The following STYXL1 variants were observed in gnomAD, a reference collection of about 807,000 sequenced individuals.
The protein encoded by STYXL1 is serine/threonine/tyrosine-interacting-like protein 1.
In STYXL1, 32 loss-of-function variants were observed where a neutral mutation model predicts 36.4. The ratio of observed to expected loss-of-function variants is 0.88; its 90% CI spans 0.66 to 1.18. STYXL1 has a LOEUF of 1.18. STYXL1 is among the 50% of genes most tolerant of loss of function. STYXL1 has a pLI of 0.00. For synonymous variants in STYXL1, 133 were observed against 144.1 expected, an observed-to-expected ratio of 0.92 and a Z score of 0.55; for missense variants, 354 against 394.1, an observed-to-expected ratio of 0.90 and a Z score of 0.86.
In STYXL1 at chr7:76,039,296, G is replaced by A. The variant is rs140052968; in HGVS notation, c.-5+8366C>T. ...CCACTATGTTTTCCAGGCTGGTTTC[G>A]AACTCCTGGGCTCAAGTGATCTTCC... On this transcript the variant is annotated intron_variant, in intron 1 of 8. Coordinates refer to ENST00000359697, the MANE Select transcript of STYXL1 (RefSeq NM_001317785.2). Among the ~76,000 whole-genome samples, 11 of 140,406 alleles carry A rather than the reference G, an allele frequency of 7.8e-5. 1 individual carries two copies. Among genetic ancestry groups the A allele is most frequent in the African/African-American group, 1.6e-4 (5 of 30,944 alleles). 92.1% of individuals were successfully genotyped at this position (140,406 alleles called of 152,430 possible). A position where few individuals can be genotyped will look rare whatever the true frequency, so the allele number is the denominator to read the frequency against.
chr7:76,016,522 A>G (rs1793400589), intron 4 of STYXL1, among the ~76,000 whole-genome samples: 1 of 152,022 alleles, frequency 6.6e-6, no homozygotes, highest in Non-Finnish European at 1.5e-5. Context: ...TATATCTCCT[A>G]TTAGTTCTGT....
At chr7:76,003,972 G>A in intron 6 of STYXL1, 117 bp from the exon 7 acceptor site, 1 of 853,736 alleles carries the variant, frequency 1.2e-6, no homozygotes, top group Non-Finnish European at 1.9e-6. Flanking sequence ...GTGTAAGGGG[G>A]AATGTGCACA....
At chr7:76,021,706 T>C (rs1794093877) in intron 4 of STYXL1, 145 bp downstream of exon 4, 1 of 692,794 alleles carries the variant, frequency 1.4e-6, no homozygotes, top group Non-Finnish European at 2.6e-6. Context: ...CCAGTGATCA[T>C]GAAGCTCTTT....
At chr7:76,045,121 A>C in intron 1 of STYXL1, 1 of 151,154 alleles carries the variant, frequency 6.6e-6, no homozygotes, top group South Asian at 2.1e-4. Context: ...GTATAACCCG[A>C]CTTCCCTCTT....
chr7:76,023,738 G>A (rs893054826), intron 3 of STYXL1, among the ~76,000 whole-genome samples: 2 of 151,886 alleles, frequency 1.3e-5, no homozygotes, highest in Admixed American at 6.6e-5. Flanking sequence ...CAACAAGGCC[G>A]GGCGCGGAGG....
At chr7:76,009,301 T>C (rs1792241276) in intron 5 of STYXL1, among the ~76,000 whole-genome samples, 1 of 71,504 alleles carries the variant, frequency 1.4e-5, no homozygotes, top group Non-Finnish European at 2.5e-5. Flanking sequence ...TTCCCCAGAA[T>C]GAACCACATC....
At chr7:76,035,243 A>G (rs1211711511) in intron 1 of STYXL1, among the ~76,000 whole-genome samples, 1 of 130,654 alleles carries the variant, frequency 7.7e-6, no homozygotes, top group Non-Finnish European at 1.8e-5. Flanking sequence ...GTAGTGCCCA[A>G]CTGGATTTCT....
intron 2 of STYXL1, among the ~76,000 whole-genome samples, chr7:76,029,651 T>A (rs575999493): frequency 6.6e-6 from 1 of 152,240 alleles, no homozygotes; most frequent in Admixed American, 6.5e-5. Flanking sequence ...TCATGTAGAA[T>A]CAGTGGAAAC....
intron 1 of STYXL1, among the ~76,000 whole-genome samples, chr7:76,046,333 TGTGTGTGCGCGCGCGC>T (rs1341483386): frequency 0.035 from 513 of 14,616 alleles, 1 homozygote; most frequent in South Asian, 0.088. Flanking sequence ...TGTGTGTGTG[TGTGTGTGCGCGCGCGC>T]GCGCGCGCGC....
chr7:76,035,780 TC>T (rs1554580586), intron 1 of STYXL1, among the ~76,000 whole-genome samples: 2 of 149,498 alleles, frequency 1.3e-5, no homozygotes, highest in African/African-American at 4.9e-5. Flanking sequence ...CTACCTACTT[TC>T]CCCCATTGCT....
At chr7:76,030,075 A>G (rs1265798390) in intron 2 of STYXL1, among the ~76,000 whole-genome samples, 3 of 151,196 alleles carry the variant, frequency 2.0e-5, no homozygotes, top group African/African-American at 7.3e-5. Context: ...ATCTCGGCTC[A>G]CTCCAACCTC....
chr7:76,024,467 G>A (rs1016260450), intron 3 of STYXL1, among the ~76,000 whole-genome samples: 1 of 151,874 alleles, frequency 6.6e-6, no homozygotes, highest in Non-Finnish European at 1.5e-5. Context: ...AAAAATACAA[G>A]TTAGCTGGGT....
intron 5 of STYXL1, among the ~76,000 whole-genome samples, chr7:76,010,851 G>A (rs1554572013): frequency 6.6e-6 from 1 of 152,140 alleles, no homozygotes. Context: ...TCAGATTTGA[G>A]GTTGGAACAT....
intron 1 of STYXL1, 40 bp from the exon 2 acceptor site, chr7:76,030,567 AT>A: frequency 8.0e-7 from 1 of 1,243,508 alleles, no homozygotes; most frequent in Non-Finnish European, 1.2e-6. Flanking sequence ...ACATAACTCT[AT>A]TTTAGATGAA....
chr7:76,027,253 C>A (rs1554577983), intron 3 of STYXL1, among the ~76,000 whole-genome samples: 2 of 151,094 alleles, frequency 1.3e-5, no homozygotes, highest in Non-Finnish European at 2.9e-5. Context: ...CAGTAGGGGA[C>A]ATGGTGACTG....
At chr7:75,998,359 G>C (rs1344585540) in intron 8 of STYXL1, among the ~76,000 whole-genome samples, 1 of 150,204 alleles carries the variant, frequency 6.7e-6, no homozygotes, top group Non-Finnish European at 1.5e-5. Flanking sequence ...GTGCAATTGT[G>C]CAATCTCAGC....
In STYXL1 at chr7:76,036,985, C is replaced by T. The variant is rs1199874904; in HGVS notation, c.-4-6458G>A. On this transcript the variant is annotated intron_variant, in intron 1 of 8. Coordinates refer to ENST00000359697, the MANE Select transcript of STYXL1 (RefSeq NM_001317785.2). ...ATTTTTAGTAGAGATGGGTTTTCAC[C>T]GTGTTAGCCAGGATGGTCTCAATCT... Among the ~76,000 whole-genome samples, 9 of 149,214 alleles carry T rather than the reference C, an allele frequency of 6.0e-5. 1 individual carries two copies. Among genetic ancestry groups the T allele is most frequent in the Non-Finnish European group, 1.3e-4 (9 of 66,776 alleles).
intron 5 of STYXL1, among the ~76,000 whole-genome samples, chr7:76,009,286 G>A (rs1366014831): frequency 1.5e-3 from 44 of 29,326 alleles, no homozygotes; most frequent in African/African-American, 4.5e-3. Context: ...GCCCCCTCCC[G>A]AGTGTTCCCC....
chr7:76,004,729 C>T (rs573603585), intron 6 of STYXL1, among the ~76,000 whole-genome samples: 120 of 141,956 alleles, frequency 8.5e-4, no homozygotes, highest in African/African-American at 3.0e-3. Flanking sequence ...AGGCCAGGCG[C>T]GGTGGCTCAT....
Sources: allele counts gnomAD v4.1 joint callset (sites outside exome capture counted in the v4.1 genomes callset), GRCh38; gene constraint gnomAD v4.1.1; transcripts MANE v1.5; gene names NCBI Gene and HGNC (gene_info 2026-07-23, HGNC 2026-07-21).